The following SPIC variants were observed in gnomAD, a reference collection of about 807,000 sequenced individuals.
SPIC encodes Spi-C transcription factor, also known as transcription factor Spi-C.
Under a neutral mutation model 16.7 loss-of-function variants are expected in SPIC, and 9 were observed. The observed-to-expected ratio is 0.54, with a 90% confidence interval of 0.33 to 0.94. The LOEUF (loss-of-function observed/expected upper bound fraction) is 0.94. SPIC is among the 40% of genes least tolerant of loss of function. SPIC has a pLI of 0.03. For synonymous variants in SPIC, 97 were observed against 102.9 expected (o/e 0.94, Z 0.35); for missense variants, 241 against 285.8 (o/e 0.84, Z 1.13).
Position 101,486,383 on chromosome 12 carries a change from C to G in SPIC, c.359C>G (p.Ser120Cys). 1 of 1,613,614 alleles carries G rather than the reference C, an allele frequency of 6.2e-7. No individual in the cohort carries two copies. The highest frequency in any genetic ancestry group is 1.1e-5 in the South Asian group (1 of 91,010). The part of the protein sequence containing the change: ...KLRLFEYLHE[S>C]LYNPEMASCI... ...CGACTGTTTGAATACCTTCACGAATCCCTGTATAATCCGGAGATGGCATCT... is the reference window on the plus strand; with the variant it reads ...CGACTGTTTGAATACCTTCACGAATGCCTGTATAATCCGGAGATGGCATCT... Residue 120 changes from serine (S) to cysteine (C), a missense_variant, in exon 6 of 6, where the codon TCC (serine) becomes TGC (cysteine). By Grantham distance (112) the Ser-to-Cys change is moderately radical. Transcript: ENST00000551346.
intron 4 of SPIC, 119 bp downstream of exon 4, chr12:101,479,813 T>C: frequency 1.6e-6 from 1 of 631,314 alleles, no homozygotes; most frequent in Non-Finnish European, 2.4e-6. Context: ...AATGGTTTTT[T>C]CTTTCTTTTT....
At chr12:101,486,241 C>T in intron 5 of SPIC, 103 bp from the exon 6 acceptor site, 2 of 1,150,554 alleles carry the variant, frequency 1.7e-6, no homozygotes, top group East Asian at 2.4e-5. Context: ...AAAAACCAGT[C>T]TCGATGCAGC....
intron 3 of SPIC, among the ~76,000 whole-genome samples, chr12:101,479,302 AAGAAAAAAGAAAGAAAGAAAG>A (rs1856056244): frequency 6.6e-5 from 2 of 30,516 alleles, no homozygotes; most frequent in African/African-American, 3.2e-4. Context: ...GAAAGAAAGA[AAGAAAAAAGAAAGAAAGAAAG>A]AAAGAAAGAA....
intron 3 of SPIC, 100 bp from the exon 4 acceptor site, chr12:101,479,482 G>T (rs892108174): frequency 2.4e-6 from 2 of 822,436 alleles, no homozygotes. Flanking sequence ...AAACATAGAT[G>T]AGAGCAATTG....
intron 3 of SPIC, among the ~76,000 whole-genome samples, chr12:101,477,896 T>A (rs1475182564): frequency 6.6e-6 from 1 of 152,102 alleles, no homozygotes; most frequent in Admixed American, 6.6e-5. Context: ...GCGACTGTAA[T>A]CCCAGCTACT....
intron 1 of SPIC, 141 bp from the exon 2 acceptor site, chr12:101,476,687 T>TC: frequency 2.9e-6 from 1 of 339,348 alleles, no homozygotes; most frequent in Non-Finnish European, 5.4e-6. Context: ...TAGAAAAAAA[T>TC]TTGTACTCAT....
rs201584667 is a variant in SPIC at position 101,476,889 on chromosome 12, A to G, written c.-16A>G. ...ACAATTGCTAAGGAACAGAATTGTC[A>G]ATTTATTAATGAAATATGGTAAGCT... On this transcript the variant is annotated 5_prime_UTR_variant, in exon 2 of 6. Coordinates refer to ENST00000551346, the MANE Select transcript of SPIC (RefSeq NM_152323.3). 9.3e-4 allele frequency: 1,335 copies of G among 1,435,210 alleles called. 1 individual carries two copies. The highest frequency in any genetic ancestry group is 1.1e-3 in the Non-Finnish European group (1,224 of 1,072,956). 88.9% of individuals were successfully genotyped at this position (1,435,210 alleles called of 1,614,324 possible).
intron 2 of SPIC, 91 bp from the exon 3 acceptor site, chr12:101,477,467 C>A: frequency 3.3e-6 from 4 of 1,221,632 alleles, no homozygotes; most frequent in Admixed American, 1.8e-5. Context: ...GATTGAGAAA[C>A]CCTCCTTTAG....
intron 5 of SPIC, among the ~76,000 whole-genome samples, chr12:101,483,596 C>T (rs1273984799): frequency 6.6e-6 from 1 of 151,790 alleles, no homozygotes; most frequent in Non-Finnish European, 1.5e-5. Context: ...AGGAATTTTT[C>T]AGCTCCACTA....
Position 101,486,839 on chromosome 12 carries a change from CCT to C in SPIC, c.*73_*74del. 7.5e-7 allele frequency: 1 copy of C among 1,326,892 alleles called. No homozygotes were observed. The highest frequency in any genetic ancestry group is 1.0e-6 in the Non-Finnish European group (1 of 992,910). 82.2% of individuals were successfully genotyped at this position (1,326,892 alleles called of 1,614,324 possible). ...TACAAGTTTTAATGATTTCTCCCTC[CCT>C]CTCTTTTTTTCCTCCTCTGAAGAAA... On this transcript the variant is annotated 3_prime_UTR_variant, in exon 6 of 6. Coordinates refer to ENST00000551346, the MANE Select transcript of SPIC (RefSeq NM_152323.3).
intron 2 of SPIC, 81 bp downstream of exon 2, chr12:101,476,988 A>T: frequency 1.3e-6 from 1 of 747,592 alleles, no homozygotes; most frequent in Non-Finnish European, 2.0e-6. Context: ...TTTTTTCTTT[A>T]CTCTCCCTCC....
At chr12:101,480,762 G>A (rs1404935104) in intron 4 of SPIC, among the ~76,000 whole-genome samples, 1 of 152,124 alleles carries the variant, frequency 6.6e-6, no homozygotes, top group Non-Finnish European at 1.5e-5. Flanking sequence ...TGAGGAGGAA[G>A]GATCACTTGA....
In SPIC at chr12:101,486,327, G is replaced by T. The variant is rs1377496745; in HGVS notation, c.320-17G>T. 6.3e-7 allele frequency: 1 copy of T among 1,591,192 alleles called. No individual in the cohort carries two copies. Among genetic ancestry groups the T allele is most frequent in the African/African-American group, 1.4e-5 (1 of 73,592 alleles). ...TACAGCCACGGTGGAGTTTGACCTT[G>T]TTTCCCTTCATTTTAGGCAGGAAGA... On this transcript the variant is annotated splice_polypyrimidine_tract_variant and intron_variant, in intron 5 of 5. Coordinates refer to ENST00000551346, the MANE Select transcript of SPIC (RefSeq NM_152323.3).
chr12:101,476,021 A>G (rs943293464), intron 1 of SPIC, among the ~76,000 whole-genome samples: 2 of 152,214 alleles, frequency 1.3e-5, no homozygotes, highest in African/African-American at 4.8e-5. Flanking sequence ...ATTCAAAGTT[A>G]AACACTAAAG....
rs762423934 is a variant in SPIC, at chr12:101,486,941, A to G, written c.*170A>G. 2.1e-4 allele frequency: 113 copies of G among 542,782 alleles called. 1 individual carries two copies. The highest frequency in any genetic ancestry group is 3.0e-4 in the Non-Finnish European group (98 of 323,584). 33.6% of individuals were successfully genotyped at this position (542,782 alleles called of 1,614,324 possible). ...TTTATTGTTGCTTTTATCAAAGAGT[A>G]TGTAATCTATACTAACTTGTTGGGA... On this transcript the variant is annotated 3_prime_UTR_variant, in exon 6 of 6. Coordinates refer to ENST00000551346, the MANE Select transcript of SPIC (RefSeq NM_152323.3).
At chr12:101,475,683 G>C (rs149986108) in intron 1 of SPIC, among the ~76,000 whole-genome samples, 181 bp downstream of exon 1, 2 of 152,186 alleles carry the variant, frequency 1.3e-5, no homozygotes, top group African/African-American at 4.8e-5. Context: ...TAATAGCTGC[G>C]ATAGTCTTGT....
At chr12:101,484,385 A>G (rs1873299618) in intron 5 of SPIC, among the ~76,000 whole-genome samples, 1 of 151,536 alleles carries the variant, frequency 6.6e-6, no homozygotes, top group Non-Finnish European at 1.5e-5. Context: ...AATAAAAAAA[A>G]TTTAGCCGGG....
At chr12:101,478,827 G>A (rs1873044200) in intron 3 of SPIC, among the ~76,000 whole-genome samples, 1 of 151,992 alleles carries the variant, frequency 6.6e-6, no homozygotes, top group South Asian at 2.1e-4. Context: ...GGTATTACAG[G>A]GTGTTCCAAG....
intron 5 of SPIC, 125 bp from the exon 6 acceptor site, chr12:101,486,219 A>G (rs1321402857): frequency 9.5e-6 from 8 of 846,478 alleles, no homozygotes; most frequent in Non-Finnish European, 1.3e-5. Context: ...TCGTAAGGGC[A>G]GTGAGTGGGA....
Sources: gnomAD v4.1 joint callset for allele counts (sites outside exome capture counted in the v4.1 genomes callset) on GRCh38, gnomAD v4.1.1 for gene constraint, MANE v1.5 for transcripts, NCBI Gene and HGNC (gene_info 2026-07-23, HGNC 2026-07-21) for gene names.